PCDHGC3: variants seen among roughly 807,000 people sequenced by gnomAD.
PCDHGC3 encodes the protein protocadherin gamma-C3.
A neutral mutation model predicts 59.2 loss-of-function variants in PCDHGC3; 26 were observed. The observed-to-expected ratio is 0.44, with a 90% confidence interval of 0.32 to 0.61. PCDHGC3 has a LOEUF of 0.61. Ranked by LOEUF, PCDHGC3 falls within the 20% of genes least tolerant of loss-of-function variation. The probability of loss-of-function intolerance (pLI) is 0.05; values close to 1 mark genes in which losing one functional copy is unlikely to be tolerated. For missense variants in PCDHGC3, 1,080 were observed against 1,221.8 expected (o/e 0.88, Z 1.73); for synonymous variants, 487 against 519.7 (o/e 0.94, Z 0.86).
chr5:141,479,806 G>A (rs1188862048), intron 1 of PCDHGC3, among the ~76,000 whole-genome samples: 1 of 152,182 alleles, frequency 6.6e-6, no homozygotes, highest in Non-Finnish European at 1.5e-5. Context: ...AGGGTGGTAT[G>A]CAAGGATACT....
intron 1 of PCDHGC3, among the ~76,000 whole-genome samples, chr5:141,480,672 T>A (rs1053078255): frequency 2.0e-5 from 3 of 152,166 alleles, no homozygotes; most frequent in African/African-American, 7.2e-5. Context: ...CCTAGAGACC[T>A]TTTAAAAATT....
At chr5:141,510,519 C>A (rs182721864) in intron 3 of PCDHGC3, among the ~76,000 whole-genome samples, 1 of 152,260 alleles carries the variant, frequency 6.6e-6, no homozygotes, top group East Asian at 1.9e-4. Context: ...CGTGTCACAG[C>A]CCTGAGAGAA....
chr5:141,498,119 T>C (rs780741291), intron 2 of PCDHGC3, among the ~76,000 whole-genome samples: 42 of 152,192 alleles, frequency 2.8e-4, no homozygotes, highest in Non-Finnish European at 4.8e-4. Flanking sequence ...AATAGGGATT[T>C]GATTTAGGGA....
At chr5:141,479,358 GC>G (rs2154577546) in intron 1 of PCDHGC3, 1 of 152,584 alleles carries the variant, frequency 6.6e-6, no homozygotes, top group Non-Finnish European at 1.5e-5. Flanking sequence ...GCTGCTCAGT[GC>G]CTGAGGTGGG....
chr5:141,487,304 C>T lies in PCDHGC3; in HGVS notation c.2431-7503C>T. The T allele has an allele frequency of 6.2e-7, 1 of 1,614,190 alleles. No homozygotes were observed. The highest frequency in any genetic ancestry group is 8.5e-7 in the Non-Finnish European group (1 of 1,180,042). On this transcript the variant is annotated intron_variant, in intron 1 of 3. Transcript: ENST00000308177. This position sits in a 1 kb window ranked among gnomAD's most constrained non-coding sequence, Gnocchi z 5.0. ...TGTCTCCTTTGGCTCATTCGTGGCA[C>T]TACTCTCTAAGTGTCTTCGTGGGGC...
chr5:141,481,183 G>A (rs2099533234), intron 1 of PCDHGC3, among the ~76,000 whole-genome samples: 1 of 152,146 alleles, frequency 6.6e-6, no homozygotes, highest in African/African-American at 2.4e-5. Flanking sequence ...GCTTTATTGG[G>A]CCAGGCCCAA....
Position 141,486,998 on chromosome 5 carries a change from C to G in PCDHGC3, c.2431-7809C>G, listed in dbSNP as rs754609128. On this transcript the variant is annotated intron_variant, in intron 1 of 3. Coordinates refer to ENST00000308177, the MANE Select transcript of PCDHGC3 (RefSeq NM_002588.4). The surrounding 1 kb of genome is among the most constrained non-coding windows in gnomAD (Gnocchi z 5.0). ...AGGTTACAATGCTTGGGTTTCCTAT[C>G]AGCTCCTGGAGGCCCCAGATCCCAG... The G allele has an allele frequency of 6.2e-7, 1 of 1,614,206 alleles. No homozygotes were observed. Among genetic ancestry groups the G allele is most frequent in the Non-Finnish European group, 8.5e-7 (1 of 1,180,034 alleles).
rs1264759473 is a variant in PCDHGC3 at position 141,486,183 on chromosome 5, G to A, written c.2430+7637G>A. On this transcript the variant is annotated intron_variant, in intron 1 of 3. Transcript: ENST00000308177. The surrounding 1 kb of genome is among the most constrained non-coding windows in gnomAD (Gnocchi z 5.0). The stretch of plus-strand genomic sequence containing the variant: ...GCCATGGAGCAACATTGCAGCCTTC[G>A]AGTGGATCTGCTGGACGTAAATGAC... 3 of 1,614,154 alleles carry A rather than the reference G, an allele frequency of 1.9e-6. No homozygotes were observed. The highest frequency in any genetic ancestry group is 1.1e-5 in the South Asian group (1 of 91,082).
chr5:141,480,946 G>A (rs1415705408), intron 1 of PCDHGC3, among the ~76,000 whole-genome samples: 1 of 152,172 alleles, frequency 6.6e-6, no homozygotes, highest in Non-Finnish European at 1.5e-5. Context: ...TCTAGAGGCT[G>A]AGGCGGAAGC....
At chr5:141,492,384 C>T (rs1001189412) in intron 1 of PCDHGC3, among the ~76,000 whole-genome samples, 1 of 152,230 alleles carries the variant, frequency 6.6e-6, no homozygotes, top group African/African-American at 2.4e-5. Context: ...AGGCCTGTTC[C>T]GGTCCACTCG....
At position 141,487,398 on chromosome 5, in the gene PCDHGC3, G is replaced by A. The variant is rs1342197934; in HGVS notation, c.2431-7409G>A. 1.9e-6 allele frequency: 3 copies of A among 1,613,926 alleles called. No individual in the cohort carries two copies. The African/African-American group carries it at 4.0e-5, about 22-fold the overall frequency. ...CTCACCAGATCTCGAAGGAGGGAGGGGCTTCCCCCTTCCAATGGGATCCTC... is the reference window on the plus strand; with the variant it reads ...CTCACCAGATCTCGAAGGAGGGAGGAGCTTCCCCCTTCCAATGGGATCCTC... On this transcript the variant is annotated intron_variant, in intron 1 of 3. Transcript: ENST00000308177. The surrounding 1 kb of genome is among the most constrained non-coding windows in gnomAD (Gnocchi z 5.0).
intron 2 of PCDHGC3, among the ~76,000 whole-genome samples, chr5:141,498,604 C>G (rs1445417630): frequency 6.6e-6 from 1 of 152,122 alleles, no homozygotes; most frequent in East Asian, 1.9e-4. Flanking sequence ...GGTTCAAGTT[C>G]AAGTCAGCAC....
At position 141,512,815 on chromosome 5, in the gene PCDHGC3, A is replaced by AC. The variant is rs1215322144; in HGVS notation, c.*1647dup. ...TGTGCTGTGTCCACGCGCTAAGGCG[A>AC]CCCCCTCCCCCGTACTGACTTCTCC... is the stretch of plus-strand genomic sequence containing the variant. On this transcript the variant is annotated 3_prime_UTR_variant, in exon 4 of 4. Coordinates refer to ENST00000308177, the MANE Select transcript of PCDHGC3 (RefSeq NM_002588.4). The AC allele has an allele frequency of 6.7e-6, 1 of 149,682 alleles. No homozygotes were observed. The highest frequency in any genetic ancestry group is 1.5e-5 in the Non-Finnish European group (1 of 67,474). 9.3% of individuals were successfully genotyped at this position (149,682 alleles called of 1,614,324 possible).
intron 2 of PCDHGC3, among the ~76,000 whole-genome samples, chr5:141,497,264 A>G (rs2154592078): frequency 6.6e-6 from 1 of 152,258 alleles, no homozygotes; most frequent in East Asian, 1.9e-4. Flanking sequence ...GAGAAGTTCT[A>G]GGCCATTTAT....
chr5:141,487,643 C>T lies in PCDHGC3; in HGVS notation c.2431-7164C>T. 1.2e-6 allele frequency: 2 copies of T among 1,614,104 alleles called. No homozygotes were observed. The highest frequency in any genetic ancestry group is 1.7e-6 in the Non-Finnish European group (2 of 1,179,986). Reference sequence around the variant, plus strand: ...GAGACCTTTGCAGGCTCAACAAATGCTTGAGGGTTATTCTGATCCAGGCAT... The same window carrying T: ...GAGACCTTTGCAGGCTCAACAAATGTTTGAGGGTTATTCTGATCCAGGCAT... On this transcript the variant is annotated intron_variant, in intron 1 of 3. Transcript: ENST00000308177. The surrounding 1 kb of genome is among the most constrained non-coding windows in gnomAD (Gnocchi z 5.0).
At position 141,489,258 on chromosome 5, in the gene PCDHGC3, C is replaced by T. The variant is rs1594800449; in HGVS notation, c.2431-5549C>T. 3.2e-6 allele frequency: 5 copies of T among 1,551,530 alleles called. No individual in the cohort carries two copies. Among genetic ancestry groups the T allele is most frequent in the African/African-American group, 1.4e-5 (1 of 73,276 alleles). On this transcript the variant is annotated intron_variant, in intron 1 of 3. Coordinates refer to ENST00000308177, the MANE Select transcript of PCDHGC3 (RefSeq NM_002588.4). This position sits in a 1 kb window ranked among gnomAD's most constrained non-coding sequence, Gnocchi z 4.5. Reference sequence around the variant, plus strand: ...TCTGGGTCATGGGGCCCAAGACACTCCCACAGCTCGCTGGGAAATGGCAAG... The same window carrying T: ...TCTGGGTCATGGGGCCCAAGACACTTCCACAGCTCGCTGGGAAATGGCAAG...
At chr5:141,499,835 C>T (rs931946377) in intron 2 of PCDHGC3, among the ~76,000 whole-genome samples, 2 of 151,916 alleles carry the variant, frequency 1.3e-5, no homozygotes, top group Admixed American at 6.6e-5. Flanking sequence ...TACAGGTGTG[C>T]ACCACCACAC....
chr5:141,492,503 A>G (rs1341352458), intron 1 of PCDHGC3, among the ~76,000 whole-genome samples: 1 of 151,188 alleles, frequency 6.6e-6, no homozygotes, highest in Non-Finnish European at 1.5e-5. Context: ...AGGACTCCGG[A>G]GCCTCCTCTC....
At chr5:141,498,709 A>G (rs1245852373) in intron 2 of PCDHGC3, among the ~76,000 whole-genome samples, 2 of 152,148 alleles carry the variant, frequency 1.3e-5, no homozygotes, top group African/African-American at 4.8e-5. Context: ...AGGTGGGTGG[A>G]TCACCTGAGG....
Sources: allele counts gnomAD v4.1 joint callset (sites outside exome capture counted in the v4.1 genomes callset), GRCh38; gene constraint gnomAD v4.1.1; non-coding constraint Gnocchi (gnomAD v3.1); transcripts MANE v1.5; gene names NCBI Gene and HGNC (gene_info 2026-07-23, HGNC 2026-07-21).